Variants in CDH18 observed in about 807,000 individuals in gnomAD.
The protein encoded by CDH18 is cadherin 18, also known as cadherin-18.
Under a neutral mutation model 67.9 loss-of-function variants are expected in CDH18, and 31 were observed. The ratio of observed to expected loss-of-function variants is 0.46; its 90% CI spans 0.34 to 0.62. The LOEUF is 0.62. CDH18 is among the 20% of genes least tolerant of loss of function. The pLI, the probability that CDH18 is intolerant of heterozygous loss-of-function variation, is 0.01. For missense variants in CDH18, 890 were observed against 975.5 expected (o/e 0.91, Z 1.17); for synonymous variants, 362 against 347.2 (o/e 1.04, Z -0.48).
chr5:20,146,256 A>G (rs1290687113), intron 2 of CDH18, among the ~76,000 whole-genome samples: 1 of 152,012 alleles, frequency 6.6e-6, no homozygotes, highest in Non-Finnish European at 1.5e-5. Flanking sequence ...CCTACTTGGA[A>G]TTTATTTGTA....
intron 5 of CDH18, among the ~76,000 whole-genome samples, chr5:19,708,887 T>C (rs927129748): frequency 2.0e-5 from 3 of 152,132 alleles, no homozygotes; most frequent in African/African-American, 7.2e-5. Flanking sequence ...AGTGTGTGTG[T>C]GTCTTTAATT....
chr5:19,511,381 A>C (rs1376486884), intron 10 of CDH18, among the ~76,000 whole-genome samples: 1 of 152,150 alleles, frequency 6.6e-6, no homozygotes, highest in Non-Finnish European at 1.5e-5. Context: ...GATACCAAAA[A>C]ATGTGAAATT....
At chr5:19,478,093 G>C (rs1738786843) in intron 12 of CDH18, among the ~76,000 whole-genome samples, 1 of 151,826 alleles carries the variant, frequency 6.6e-6, no homozygotes. Flanking sequence ...TTCAAAGATG[G>C]GGAAACATTT....
chr5:20,440,734 T>C (rs1749543839), intron 1 of CDH18, among the ~76,000 whole-genome samples: 1 of 151,926 alleles, frequency 6.6e-6, no homozygotes. Context: ...GTTGGAAAAT[T>C]AGATAATTTC....
intron 3 of CDH18, among the ~76,000 whole-genome samples, chr5:19,777,580 T>A (rs1182096971): frequency 6.6e-6 from 1 of 152,198 alleles, no homozygotes; most frequent in Non-Finnish European, 1.5e-5. Context: ...AATTAGGGCC[T>A]AAATTGTTGG....
At chr5:20,101,162 A>G (rs547330692) in intron 2 of CDH18, among the ~76,000 whole-genome samples, 1 of 151,878 alleles carries the variant, frequency 6.6e-6, no homozygotes, top group African/African-American at 2.4e-5. Context: ...GGGTCTCACT[A>G]TATTGCCCAG....
chr5:19,771,579 G>C (rs921399748), intron 3 of CDH18, among the ~76,000 whole-genome samples: 6 of 152,196 alleles, frequency 3.9e-5, no homozygotes, highest in Admixed American at 2.6e-4. Context: ...TCCTGAAACA[G>C]AGGCACTCAG....
intron 2 of CDH18, among the ~76,000 whole-genome samples, chr5:20,168,376 G>A (rs937169243): frequency 9.9e-5 from 15 of 151,000 alleles, no homozygotes; most frequent in Non-Finnish European, 5.9e-5. Context: ...AGCTTAAAAG[G>A]AACAAACAAA....
At chr5:19,573,112 T>G (rs1409999548) in intron 7 of CDH18, among the ~76,000 whole-genome samples, 1 of 152,184 alleles carries the variant, frequency 6.6e-6, no homozygotes, top group Admixed American at 6.5e-5. Flanking sequence ...AAAATTCAAA[T>G]TATCAGAAGT....
intron 9 of CDH18, among the ~76,000 whole-genome samples, chr5:19,529,073 G>T (rs980394974): frequency 6.6e-6 from 1 of 151,732 alleles, no homozygotes; most frequent in African/African-American, 2.4e-5. Context: ...ATATAAAAAA[G>T]AAAATAGATA....
At chr5:19,680,501 GATAA>G (rs1682238633) in intron 5 of CDH18, among the ~76,000 whole-genome samples, 1 of 151,894 alleles carries the variant, frequency 6.6e-6, no homozygotes, top group African/African-American at 2.4e-5. Flanking sequence ...TATATAATTT[GATAA>G]ATATTTGCAA....
In CDH18 at chr5:19,692,367, C is replaced by A. The variant is rs1198744736; in HGVS notation, c.643+28980G>T. 3.9e-5 allele frequency among the ~76,000 whole-genome samples: 6 copies of A among 152,040 alleles called. 1 individual carries two copies. Among genetic ancestry groups the A allele is most frequent in the South Asian group, 2.1e-4 (1 of 4,830 alleles). On this transcript the variant is annotated intron_variant, in intron 5 of 12. Coordinates refer to ENST00000382275, the MANE Select transcript of CDH18 (RefSeq NM_004934.5). ...ACCTCAACAGCACATGAAACAAAAT[C>A]AAAAATAGACAAATGTGACTATATT...
chr5:19,982,056 A>G (rs1174560175), intron 1 of CDH18, among the ~76,000 whole-genome samples: 1 of 152,238 alleles, frequency 6.6e-6, no homozygotes, highest in East Asian at 1.9e-4. Flanking sequence ...CAGGAAAAAT[A>G]TAATTTAATA....
chr5:20,204,197 A>G (rs1561874942), intron 2 of CDH18, among the ~76,000 whole-genome samples: 2 of 152,076 alleles, frequency 1.3e-5, no homozygotes. Context: ...AGCACGTAAT[A>G]ACCAAACTCT....
intron 2 of CDH18, among the ~76,000 whole-genome samples, chr5:20,221,600 A>C (rs1173125202): frequency 6.6e-6 from 1 of 152,120 alleles, no homozygotes; most frequent in Admixed American, 6.6e-5. Context: ...TACATTCAAA[A>C]ATAACTAAAA....
intron 1 of CDH18, among the ~76,000 whole-genome samples, chr5:20,392,415 C>A (rs982272944): frequency 2.0e-5 from 3 of 151,702 alleles, no homozygotes; most frequent in Non-Finnish European, 4.4e-5. Context: ...CCAATGGTCC[C>A]TATCTCTTAA....
At chr5:19,744,864 C>T (rs1769768754) in intron 4 of CDH18, among the ~76,000 whole-genome samples, 1 of 152,042 alleles carries the variant, frequency 6.6e-6, no homozygotes, top group Non-Finnish European at 1.5e-5. Context: ...AAATTTTTCT[C>T]TTTTTATTAG....
intron 1 of CDH18, among the ~76,000 whole-genome samples, chr5:20,434,758 G>A (rs1749041567): frequency 6.6e-6 from 1 of 151,958 alleles, no homozygotes; most frequent in Admixed American, 6.6e-5. Flanking sequence ...ATATGAATAA[G>A]GACAAGTTTC....
intron 3 of CDH18, among the ~76,000 whole-genome samples, chr5:19,782,247 G>C (rs1775201691): frequency 6.6e-6 from 1 of 152,078 alleles, no homozygotes; most frequent in Non-Finnish European, 1.5e-5. Context: ...GAGAATGAGT[G>C]CAAGCAGGGG....
Sources: allele counts gnomAD v4.1 joint callset (sites outside exome capture counted in the v4.1 genomes callset), GRCh38; gene constraint gnomAD v4.1.1; transcripts MANE v1.5; gene names NCBI Gene and HGNC (gene_info 2026-07-23, HGNC 2026-07-21).